Variants in TTC27 observed in about 807,000 individuals in gnomAD.
TTC27 encodes the protein tetratricopeptide repeat domain 27.
In TTC27, 79 loss-of-function variants were observed where a neutral mutation model predicts 115.9. The ratio of observed to expected loss-of-function variants is 0.68; its 90% CI spans 0.57 to 0.82. The LOEUF (loss-of-function observed/expected upper bound fraction) is 0.82, where lower values mean the gene tolerates loss of function less well. Ranked by LOEUF, TTC27 falls within the 40% of genes least tolerant of loss-of-function variation. TTC27 has a pLI of 0.00. For missense variants in TTC27, 1,054 were observed against 993.1 expected (o/e 1.06, Z -0.82); for synonymous variants, 401 against 356.0 (o/e 1.13, Z -1.42).
At position 32,628,389 on chromosome 2, in the gene TTC27, C is replaced by T; in HGVS notation, c.88+9C>T. 6.3e-7 allele frequency: 1 copy of T among 1,579,794 alleles called. No homozygotes were observed. Among genetic ancestry groups the T allele is most frequent in the Non-Finnish European group, 8.6e-7 (1 of 1,165,664 alleles). ...GGGGGTCGTCGGTTCAGGTGAGAGG[C>T]GCACCTACCGGGCCTTAGGCTATCG... is the stretch of plus-strand genomic sequence containing the variant. On this transcript the variant is annotated intron_variant, in intron 1 of 19. Coordinates refer to ENST00000317907, the MANE Select transcript of TTC27 (RefSeq NM_017735.5).
chr2:32,655,444 C>T (rs574330335), intron 5 of TTC27, among the ~76,000 whole-genome samples: 1 of 152,316 alleles, frequency 6.6e-6, no homozygotes, highest in Admixed American at 6.5e-5. Flanking sequence ...CCATGCCCAG[C>T]CTGACATAGC....
intron 10 of TTC27, among the ~76,000 whole-genome samples, chr2:32,712,769 ACTC>A (rs979163013): frequency 6.6e-6 from 1 of 150,538 alleles, no homozygotes; most frequent in African/African-American, 2.4e-5. Flanking sequence ...CTGGTCTTGA[ACTC>A]CTGGGCTTAA....
intron 13 of TTC27, among the ~76,000 whole-genome samples, chr2:32,771,489 C>G (rs4952293): frequency 0.82 from 124,280 of 152,134 alleles, 50,836 homozygotes; most frequent in Middle Eastern, 0.9. Context: ...CCAAATCTAG[C>G]ACAAGAATTA....
chr2:32,702,707 C>A, intron 9 of TTC27, 100 bp from the exon 10 acceptor site: 1 of 769,954 alleles, frequency 1.3e-6, no homozygotes, highest in Non-Finnish European at 2.2e-6. Context: ...CTGTGTTTAA[C>A]TGTACCCTGA....
intron 12 of TTC27, among the ~76,000 whole-genome samples, chr2:32,746,914 A>C (rs947728085): frequency 3.3e-5 from 5 of 152,238 alleles, no homozygotes; most frequent in African/African-American, 1.2e-4. Context: ...TTTTGTTGGC[A>C]GAAAGAAGAG....
intron 12 of TTC27, among the ~76,000 whole-genome samples, chr2:32,742,422 G>C (rs1668676643): frequency 6.6e-6 from 1 of 152,094 alleles, no homozygotes. Flanking sequence ...TATTTATGTT[G>C]GCAAGTAACC....
chr2:32,733,715 A>G (rs1668365397), intron 10 of TTC27, 113 bp from the exon 11 acceptor site: 1 of 573,746 alleles, frequency 1.7e-6, no homozygotes, highest in Non-Finnish European at 2.8e-6. Flanking sequence ...CCTTATCAAA[A>G]TGACTTAAGT....
intron 16 of TTC27, among the ~76,000 whole-genome samples, chr2:32,801,578 G>A (rs1448972204): frequency 6.6e-6 from 1 of 152,218 alleles, no homozygotes; most frequent in African/African-American, 2.4e-5. Flanking sequence ...CTGGGTGCAC[G>A]TGAATTTTGG....
At chr2:32,648,921 G>A (rs1664973695) in intron 4 of TTC27, among the ~76,000 whole-genome samples, 1 of 152,200 alleles carries the variant, frequency 6.6e-6, no homozygotes, top group Admixed American at 6.5e-5. Flanking sequence ...TGAAGTGGGA[G>A]GATCACGTGA....
At chr2:32,630,237 T>G (rs1664126669) in intron 1 of TTC27, among the ~76,000 whole-genome samples, 1 of 152,208 alleles carries the variant, frequency 6.6e-6, no homozygotes, top group Non-Finnish European at 1.5e-5. Context: ...TCTTTGTGAA[T>G]TTCCCAGCAA....
intron 5 of TTC27, among the ~76,000 whole-genome samples, 173 bp downstream of exon 5, chr2:32,650,406 A>G (rs1665066100): frequency 7.9e-6 from 1 of 126,936 alleles, no homozygotes; most frequent in South Asian, 2.4e-4. Flanking sequence ...TTATGTTGTC[A>G]GATTATAGAG....
Position 32,640,380 on chromosome 2 carries a change from G to C in TTC27, c.507G>C (p.Val169=), listed in dbSNP as rs780950411. The C allele has an allele frequency of 6.2e-7, 1 of 1,613,876 alleles. No individual in the cohort carries two copies. Among genetic ancestry groups the C allele is most frequent in the Non-Finnish European group, 8.5e-7 (1 of 1,179,968 alleles). ...ILLLLARIIL[V]NVRHKLTAIQ... The stretch of plus-strand genomic sequence containing the variant: ...TGTTATTAGCACGCATTATCCTAGT[G>C]AATGTAAGACATAAACTGACAGCTA... Residue 169 remains valine, a synonymous_variant, in exon 4 of 20, where the codon GTG becomes GTC. Coordinates refer to ENST00000317907, the MANE Select transcript of TTC27 (RefSeq NM_017735.5).
chr2:32,808,221 C>T (rs892850774), intron 16 of TTC27, among the ~76,000 whole-genome samples: 8 of 152,062 alleles, frequency 5.3e-5, no homozygotes, highest in Non-Finnish European at 1.2e-4. Flanking sequence ...AGGCGTGAGC[C>T]ACTACGCCCA....
intron 6 of TTC27, among the ~76,000 whole-genome samples, chr2:32,666,073 G>C (rs1209828323): frequency 6.6e-6 from 1 of 152,168 alleles, no homozygotes; most frequent in Admixed American, 6.5e-5. Context: ...ACCTTGTCCA[G>C]AGAGTGGATG....
intron 13 of TTC27, among the ~76,000 whole-genome samples, chr2:32,766,850 A>T (rs1018860319): frequency 6.6e-6 from 1 of 152,020 alleles, no homozygotes; most frequent in Non-Finnish European, 1.5e-5. Context: ...CAGTGGTGCG[A>T]TCTCTGCTCA....
intron 4 of TTC27, among the ~76,000 whole-genome samples, chr2:32,641,557 C>A (rs1215678331): frequency 6.6e-6 from 1 of 152,262 alleles, no homozygotes; most frequent in South Asian, 2.1e-4. Context: ...CTGGCTGACC[C>A]CTGCTCCATC....
rs1284061571 is a variant in TTC27, at chr2:32,628,735, TTATC to T, written c.88+359_88+362del. Reference sequence around the variant, plus strand: ...TACAGTTGGGTTAAGTAATTTTATTTTATCTATTTATTTATTTATTTATTTATTT... The same window carrying T: ...TACAGTTGGGTTAAGTAATTTTATTTTATTTATTTATTTATTTATTTATTT... On this transcript the variant is annotated intron_variant, in intron 1 of 19. Coordinates refer to ENST00000317907, the MANE Select transcript of TTC27 (RefSeq NM_017735.5). 1.3e-3 allele frequency among the ~76,000 whole-genome samples: 169 copies of T among 133,658 alleles called. No individual in the cohort carries two copies. In the Middle Eastern group the frequency reaches 0.019, roughly 15 times the overall value. The allele number at this position is 133,658 out of a possible 152,430, so 87.7% of individuals were successfully genotyped here. A position where few individuals can be genotyped will look rare whatever the true frequency, so the allele number is the denominator to read the frequency against.
chr2:32,760,628 T>C (rs78922947), intron 13 of TTC27, among the ~76,000 whole-genome samples: 2,615 of 152,264 alleles, frequency 0.017, 61 homozygotes, highest in African/African-American at 0.06. Context: ...AAGGGAGAAC[T>C]CACTCAATAT....
At chr2:32,725,568 C>A (rs1381219606) in intron 10 of TTC27, among the ~76,000 whole-genome samples, 1 of 152,194 alleles carries the variant, frequency 6.6e-6, no homozygotes, top group East Asian at 1.9e-4. Context: ...GACAGCTCCA[C>A]CCCTGTGGCT....
Sources: gnomAD v4.1 joint callset for allele counts (sites outside exome capture counted in the v4.1 genomes callset) on GRCh38, gnomAD v4.1.1 for gene constraint, MANE v1.5 for transcripts, NCBI Gene and HGNC (gene_info 2026-07-23, HGNC 2026-07-21) for gene names.